Variants in BMP2K observed in about 807,000 individuals in gnomAD.
BMP2K encodes the protein BMP-2-inducible protein kinase.
Under a neutral mutation model 116.0 loss-of-function variants are expected in BMP2K, and 74 were observed. That is an observed-to-expected ratio of 0.64 (90% CI 0.53 to 0.77). The LOEUF (loss-of-function observed/expected upper bound fraction) is 0.77, where lower values mean the gene tolerates loss of function less well. Ranked by LOEUF, BMP2K falls within the 30% of genes least tolerant of loss-of-function variation. The probability of loss-of-function intolerance (pLI) is 0.00; values close to 1 mark genes in which losing one functional copy is unlikely to be tolerated. For synonymous variants in BMP2K, 486 were observed against 502.5 expected (o/e 0.97, Z 0.44); for missense variants, 1,365 against 1,403.6 (o/e 0.97, Z 0.44).
At chr4:78,840,382 G>A (rs954912711) in intron 3 of BMP2K, among the ~76,000 whole-genome samples, 6 of 152,148 alleles carry the variant, frequency 3.9e-5, no homozygotes, top group Admixed American at 1.3e-4. Flanking sequence ...AGCCATTGCC[G>A]GCTCAAATGC....
chr4:78,813,080 G>A (rs1729165128), intron 1 of BMP2K, among the ~76,000 whole-genome samples: 3 of 151,854 alleles, frequency 2.0e-5, no homozygotes, highest in Admixed American at 2.0e-4. Flanking sequence ...AAACACATGA[G>A]ACCCATTTGA....
At chr4:78,830,507 T>C (rs1184714209) in intron 2 of BMP2K, among the ~76,000 whole-genome samples, 1 of 152,230 alleles carries the variant, frequency 6.6e-6, no homozygotes, top group African/African-American at 2.4e-5. Context: ...AAATTTTGAA[T>C]ACAGCATCGA....
intron 1 of BMP2K, among the ~76,000 whole-genome samples, chr4:78,782,792 G>A (rs1727566077): frequency 6.6e-6 from 1 of 152,306 alleles, no homozygotes; most frequent in Middle Eastern, 3.4e-3. Context: ...GGTTAATTTT[G>A]ACAGCTTTTT....
intron 1 of BMP2K, among the ~76,000 whole-genome samples, chr4:78,799,986 A>G (rs1728491055): frequency 6.6e-6 from 1 of 152,206 alleles, no homozygotes; most frequent in African/African-American, 2.4e-5. Context: ...GGTGAGCAGG[A>G]TATGCCGTAC....
chr4:78,805,827 C>T (rs376376945), intron 1 of BMP2K, among the ~76,000 whole-genome samples: 36 of 151,954 alleles, frequency 2.4e-4, no homozygotes, highest in South Asian at 1.2e-3. Flanking sequence ...AAAAATTAGC[C>T]GGGCACGGTG....
In BMP2K at chr4:78,911,713, G is replaced by A. The variant is rs1021359582; in HGVS notation, c.3166G>A (p.Gly1056Arg). 6.2e-6 allele frequency: 10 copies of A among 1,613,780 alleles called. No homozygotes were observed. Among genetic ancestry groups the A allele is most frequent in the Non-Finnish European group, 2.5e-6 (3 of 1,179,864 alleles). Residue 1056 changes from glycine to arginine, a missense_variant, in exon 16 of 16, where the codon GGG becomes AGG. Physicochemically the swap from Gly to Arg is moderately radical, Grantham distance 125. Around this residue, in one of 3 missense-constraint regions of BMP2K, gnomAD observed 596 missense variants for 623.2 expected, o/e 0.96. Transcript: ENST00000502613. ...TGCACTGACTGATGGGAAAGATAGG[G>A]GGAATGTCTTACAACCTGAGGAGAG... The part of the protein sequence containing the change: ...SVALTDGKDR[G>R]NVLQPEESLL...
intron 1 of BMP2K, among the ~76,000 whole-genome samples, chr4:78,813,933 C>T (rs565135609): frequency 2.0e-5 from 3 of 152,258 alleles, no homozygotes; most frequent in African/African-American, 4.8e-5. Context: ...GTTCATAGCA[C>T]GTAGATCAGT....
intron 8 of BMP2K, among the ~76,000 whole-genome samples, chr4:78,861,070 G>A (rs1165975423): frequency 1.3e-5 from 2 of 151,714 alleles, no homozygotes; most frequent in Non-Finnish European, 2.9e-5. Flanking sequence ...ATGTAAAATA[G>A]TTATTGATTT....
At chr4:78,802,811 A>G (rs1728632019) in intron 1 of BMP2K, among the ~76,000 whole-genome samples, 1 of 151,438 alleles carries the variant, frequency 6.6e-6, no homozygotes, top group Admixed American at 6.6e-5. Context: ...CACCATTATT[A>G]TATAATCGAA....
chr4:78,890,706 T>C (rs150161183), intron 15 of BMP2K, among the ~76,000 whole-genome samples: 218 of 152,360 alleles, frequency 1.4e-3, no homozygotes, highest in African/African-American at 4.8e-3. Flanking sequence ...ATTTTCATTC[T>C]TCATTACATC....
chr4:78,865,416 T>G, intron 9 of BMP2K, 141 bp from the exon 10 acceptor site: 4 of 767,678 alleles, frequency 5.2e-6, no homozygotes, highest in South Asian at 2.0e-5. Context: ...TACTTGAAAA[T>G]GAGCCTTAGG....
At chr4:78,899,939 T>C (rs1008802458) in intron 15 of BMP2K, among the ~76,000 whole-genome samples, 2 of 152,174 alleles carry the variant, frequency 1.3e-5, no homozygotes, top group Non-Finnish European at 2.9e-5. Context: ...AGATTTTATA[T>C]GGGCAAGACA....
chr4:78,839,161 C>T (rs1730633150), intron 3 of BMP2K, among the ~76,000 whole-genome samples: 1 of 152,122 alleles, frequency 6.6e-6, no homozygotes, highest in South Asian at 2.1e-4. Context: ...TTCAACTTAG[C>T]TTGGTTGGGT....
chr4:78,842,379 G>C lies in BMP2K; in HGVS notation c.404-6G>C. ...TATGTCCTCTCAAAATTACTTTTTT[G>C]GTTAGCTGGACAGGTAGTGAATCAA... On this transcript the variant is annotated splice_region_variant and splice_polypyrimidine_tract_variant and intron_variant, in intron 3 of 15. Transcript: ENST00000502613. The C allele has an allele frequency of 6.4e-7, 1 of 1,568,154 alleles. No individual in the cohort carries two copies. Among genetic ancestry groups the C allele is most frequent in the Non-Finnish European group, 8.7e-7 (1 of 1,150,686 alleles).
chr4:78,884,924 G>A (rs1348207791), intron 14 of BMP2K, among the ~76,000 whole-genome samples: 1 of 152,054 alleles, frequency 6.6e-6, no homozygotes, highest in South Asian at 2.1e-4. Flanking sequence ...CTCTTTAATG[G>A]GTGTTTTGAC....
In BMP2K at chr4:78,853,677, T is replaced by C. The variant is rs72660910; in HGVS notation, c.883+2621T>C. Among the ~76,000 whole-genome samples the C allele has an allele frequency of 2.0e-3, 300 of 152,288 alleles. 1 individual carries two copies. Among genetic ancestry groups the C allele is most frequent in the Non-Finnish European group, 3.8e-3 (256 of 68,004 alleles). ...ACTTCTAGAGCCAAACAGCCTTGGATTGCATCTGCTCTGTCCCTGTTTGGT... is the reference window on the plus strand; with the variant it reads ...ACTTCTAGAGCCAAACAGCCTTGGACTGCATCTGCTCTGTCCCTGTTTGGT... On this transcript the variant is annotated intron_variant, in intron 7 of 15. Transcript: ENST00000502613.
At chr4:78,843,546 T>A (rs1730859718) in intron 4 of BMP2K, among the ~76,000 whole-genome samples, 1 of 151,922 alleles carries the variant, frequency 6.6e-6, no homozygotes, top group Non-Finnish European at 1.5e-5. Context: ...TATACAGAAT[T>A]TTATGAAAGT....
At chr4:78,793,865 G>GTT (rs773906998) in intron 1 of BMP2K, among the ~76,000 whole-genome samples, 3 of 148,912 alleles carry the variant, frequency 2.0e-5, no homozygotes, top group African/African-American at 7.4e-5. Context: ...TAATTTTACA[G>GTT]TTTTTTTTTT....
intron 3 of BMP2K, among the ~76,000 whole-genome samples, chr4:78,840,680 G>T (rs1406498342): frequency 6.6e-6 from 1 of 151,830 alleles, no homozygotes; most frequent in Non-Finnish European, 1.5e-5. Flanking sequence ...TGAGTTTTGA[G>T]TAATGAAATT....
Sources: gnomAD v4.1 joint callset for allele counts (sites outside exome capture counted in the v4.1 genomes callset) on GRCh38, gnomAD v4.1.1 for gene constraint, gnomAD v4.1.1 regional missense constraint, MANE v1.5 for transcripts, NCBI Gene and HGNC (gene_info 2026-07-23, HGNC 2026-07-21) for gene names.